Variants in WWOX observed in about 807,000 individuals in gnomAD.
WWOX encodes the protein WW domain containing oxidoreductase.
WWOX carries 69 observed loss-of-function variants against 46.2 expected under a neutral mutation model. The ratio of observed to expected loss-of-function variants is 1.49; its 90% confidence interval spans 1.23 to 1.82. The LOEUF (loss-of-function observed/expected upper bound fraction) is 1.82. Ranked by LOEUF, WWOX falls within the 40% of genes most tolerant of loss-of-function variation. WWOX has a pLI of 0.00. For missense variants in WWOX, 919 were observed against 542.6 expected, an observed-to-expected ratio of 1.69 and a Z score of -6.89; for synonymous variants, 359 against 202.6, an observed-to-expected ratio of 1.77 and a Z score of -6.56.
intron 8 of WWOX, among the ~76,000 whole-genome samples, chr16:79,128,895 A>C (rs977721141): frequency 1.3e-5 from 2 of 152,118 alleles, no homozygotes; most frequent in African/African-American, 4.8e-5. Context: ...GACTGGTGTC[A>C]CGATCCCACA....
At chr16:78,102,108 A>G (rs549360469) in intron 1 of WWOX, among the ~76,000 whole-genome samples, 11 of 152,260 alleles carry the variant, frequency 7.2e-5, no homozygotes, top group Non-Finnish European at 2.9e-5. Flanking sequence ...TTTTGTAGAA[A>G]TGGGGTCTCA....
intron 8 of WWOX, among the ~76,000 whole-genome samples, chr16:78,467,874 A>G (rs2084117674): frequency 6.6e-6 from 1 of 152,244 alleles, no homozygotes; most frequent in Non-Finnish European, 1.5e-5. Context: ...CTTCCTGGAT[A>G]TAAAATGACT....
intron 8 of WWOX, among the ~76,000 whole-genome samples, chr16:78,995,478 C>G (rs1454777379): frequency 6.6e-6 from 1 of 151,926 alleles, no homozygotes; most frequent in Non-Finnish European, 1.5e-5. Context: ...TTGGTAAAAC[C>G]AAGTTCTTTG....
intron 8 of WWOX, among the ~76,000 whole-genome samples, chr16:78,578,276 A>ATTTT (rs2044948523): frequency 2.4e-4 from 8 of 32,924 alleles, no homozygotes; most frequent in African/African-American, 9.0e-4. Flanking sequence ...ATATATATAT[A>ATTTT]TATATATATT....
At chr16:78,158,803 A>C (rs2034688398) in intron 4 of WWOX, among the ~76,000 whole-genome samples, 1 of 152,218 alleles carries the variant, frequency 6.6e-6, no homozygotes, top group South Asian at 2.1e-4. Context: ...AGATAAGTAT[A>C]TACCTGTGAA....
At chr16:78,528,380 A>G (rs1160004860) in intron 8 of WWOX, among the ~76,000 whole-genome samples, 1 of 151,740 alleles carries the variant, frequency 6.6e-6, no homozygotes, top group Non-Finnish European at 1.5e-5. Context: ...TTAGCAAAGA[A>G]TTAACAGCAG....
chr16:78,763,308 T>C (rs929097843), intron 8 of WWOX, among the ~76,000 whole-genome samples: 1 of 152,258 alleles, frequency 6.6e-6, no homozygotes, highest in African/African-American at 2.4e-5. Context: ...CAAAATATGT[T>C]CCAATTTCCC....
intron 6 of WWOX, among the ~76,000 whole-genome samples, chr16:78,401,281 G>A (rs1281602244): frequency 1.4e-5 from 2 of 147,618 alleles, no homozygotes; most frequent in Admixed American, 1.3e-4. Context: ...TTAACAAAGT[G>A]GAAAAGACTG....
intron 8 of WWOX, chr16:79,203,384 G>C (rs542095254): frequency 6.6e-6 from 1 of 152,172 alleles, no homozygotes; most frequent in Non-Finnish European, 1.5e-5. Context: ...GACATTGGGG[G>C]CCTACCTGTG....
At chr16:79,201,753 G>T (rs186176617) in intron 8 of WWOX, among the ~76,000 whole-genome samples, 1,579 of 147,674 alleles carry the variant, frequency 0.011, 29 homozygotes, top group African/African-American at 0.04. Flanking sequence ...TTGTCTTCCT[G>T]ACTTTTTTCT....
intron 5 of WWOX, among the ~76,000 whole-genome samples, chr16:78,213,250 C>CAAAAA (rs3041524): frequency 5.1e-5 from 5 of 97,092 alleles, no homozygotes; most frequent in African/African-American, 1.5e-4. Flanking sequence ...GACTGTATCT[C>CAAAAA]AAAAAAAAAA....
At chr16:78,573,400 C>A (rs1222585698) in intron 8 of WWOX, among the ~76,000 whole-genome samples, 1 of 152,196 alleles carries the variant, frequency 6.6e-6, no homozygotes, top group African/African-American at 2.4e-5. Flanking sequence ...CCATTTTGAC[C>A]TGTGAGATTT....
intron 8 of WWOX, among the ~76,000 whole-genome samples, chr16:78,735,133 C>G (rs2049056396): frequency 6.6e-6 from 1 of 151,740 alleles, no homozygotes; most frequent in African/African-American, 2.4e-5. Context: ...TCGCAAAGTG[C>G]TGGGATTACA....
chr16:78,960,553 G>C (rs750159232), intron 8 of WWOX, among the ~76,000 whole-genome samples: 16 of 152,200 alleles, frequency 1.1e-4, no homozygotes, highest in Non-Finnish European at 1.8e-4. Context: ...CTCCACAAGA[G>C]AGCAGGTATT....
chr16:78,900,246 G>A (rs1254197707), intron 8 of WWOX, among the ~76,000 whole-genome samples: 1 of 151,750 alleles, frequency 6.6e-6, no homozygotes, highest in Non-Finnish European at 1.5e-5. Flanking sequence ...TTCTCCTCCT[G>A]TTTTGTGTCA....
intron 8 of WWOX, among the ~76,000 whole-genome samples, chr16:78,727,432 C>G (rs1042556229): frequency 1.3e-5 from 2 of 152,162 alleles, no homozygotes; most frequent in Non-Finnish European, 2.9e-5. Context: ...GCCTTTGACA[C>G]TGTCCTCTGG....
chr16:78,221,574 A>G (rs3751775), intron 5 of WWOX, among the ~76,000 whole-genome samples: 1 of 152,048 alleles, frequency 6.6e-6, no homozygotes. Context: ...GAAAAAGAGA[A>G]GTAGATAAGA....
intron 8 of WWOX, among the ~76,000 whole-genome samples, chr16:78,842,480 G>C (rs1162369943): frequency 6.7e-6 from 1 of 148,352 alleles, no homozygotes; most frequent in African/African-American, 2.5e-5. Flanking sequence ...TTCAACCTGG[G>C]TGAAAAAGTG....
At chr16:78,420,469 C>G (rs530385270) in intron 6 of WWOX, among the ~76,000 whole-genome samples, 2 of 152,078 alleles carry the variant, frequency 1.3e-5, no homozygotes, top group Non-Finnish European at 2.9e-5. Flanking sequence ...TATGCTACAA[C>G]ATGGATGAAC....
Sources: gnomAD v4.1 joint callset for allele counts (sites outside exome capture counted in the v4.1 genomes callset) on GRCh38, gnomAD v4.1.1 for gene constraint, MANE v1.5 for transcripts, NCBI Gene and HGNC (gene_info 2026-07-23, HGNC 2026-07-21) for gene names.